NPIPB2: variants seen among roughly 807,000 people sequenced by gnomAD.
NPIPB2 encodes the protein nuclear pore complex-interacting protein family member B2.
In NPIPB2, 27 loss-of-function variants were observed where a neutral mutation model predicts 30.8. That is an observed-to-expected ratio of 0.88 (90% confidence interval 0.65 to 1.21). The LOEUF (loss-of-function observed/expected upper bound fraction) is 1.21. NPIPB2 is among the 50% of genes most tolerant of loss of function. The pLI is 0.00. For missense variants in NPIPB2, 440 were observed against 446.2 expected (o/e 0.99, Z 0.13); for synonymous variants, 147 against 162.0 (o/e 0.91, Z 0.70).
upstream of NPIPB2, among the ~76,000 whole-genome samples, chr16:11,945,683 A>C (rs1013078139): frequency 6.6e-6 from 1 of 151,912 alleles, no homozygotes; most frequent in Admixed American, 6.6e-5. Flanking sequence ...GTCTTAAAAA[A>C]AAAACAAAAA....
intron 1 of NPIPB2, among the ~76,000 whole-genome samples, chr16:11,958,809 G>T (rs768469175): frequency 6.6e-6 from 1 of 152,134 alleles, no homozygotes; most frequent in South Asian, 2.1e-4. Flanking sequence ...TAACAATCAG[G>T]GTTGGTTTGG....
In NPIPB2 at chr16:11,976,602, T is replaced by C. The variant is rs1010630958; in HGVS notation, c.-618A>G. The C allele has an allele frequency of 6.3e-5, 23 of 365,448 alleles. No homozygotes were observed. In the Middle Eastern group the frequency reaches 2.2e-3, roughly 34 times the overall value. The allele number at this position is 365,448 out of a possible 1,614,324, so 22.6% of individuals were successfully genotyped here. A position where few individuals can be genotyped will look rare whatever the true frequency, so the allele number is the denominator to read the frequency against. On this transcript the variant is annotated 5_prime_UTR_variant, in exon 1 of 6. Transcript: ENST00000538896. ...CCAGCCCGCGTAGCCTCAGCACCGC[T>C]CTCCACACCGGGTCCGGCGACTTGG...
chr16:11,967,494 G>A (rs1375488074), intron 1 of NPIPB2: 17 of 1,426,748 alleles, frequency 1.2e-5, no homozygotes, highest in South Asian at 1.2e-4. Context: ...TTTGAGTCCC[G>A]ATGTGTACTG....
chr16:11,934,226 TCACACA>T (rs766087820), intron 2 of NPIPB2, among the ~76,000 whole-genome samples: 12 of 121,824 alleles, frequency 9.9e-5, no homozygotes, highest in African/African-American at 2.4e-4. Context: ...TGAGACTCTG[TCACACA>T]CACACACACA....
chr16:11,934,235 C>CACACACAA (rs2054834434), intron 2 of NPIPB2, among the ~76,000 whole-genome samples: 1 of 144,098 alleles, frequency 6.9e-6, no homozygotes, highest in African/African-American at 2.7e-5. Flanking sequence ...GTCACACACA[C>CACACACAA]ACACACACAC....
At chr16:11,954,491 A>T (rs1006202052) in intron 1 of NPIPB2, among the ~76,000 whole-genome samples, 2 of 151,626 alleles carry the variant, frequency 1.3e-5, no homozygotes, top group African/African-American at 4.8e-5. Flanking sequence ...AAAAAAAAAA[A>T]AGAAAGAAAA....
At chr16:11,943,997 C>CAAAAAAAA (rs398070768), upstream of NPIPB2, among the ~76,000 whole-genome samples, 36,009 of 50,260 alleles carry the variant, frequency 0.72, 15,248 homozygotes, top group Middle Eastern at 0.81. Flanking sequence ...GACTCTGTCT[C>CAAAAAAAA]AAAAAAAAAA....
At chr16:11,936,907 C>G (rs2054875084) in intron 2 of NPIPB2, among the ~76,000 whole-genome samples, 4 of 151,488 alleles carry the variant, frequency 2.6e-5, no homozygotes. Flanking sequence ...GTCACCTCGT[C>G]CCTATGACCT....
intron 2 of NPIPB2, among the ~76,000 whole-genome samples, chr16:11,934,908 A>G (rs2150911684): frequency 6.7e-6 from 1 of 148,464 alleles, no homozygotes; most frequent in Middle Eastern, 3.4e-3. Flanking sequence ...ACTGAACTGT[A>G]CACTTCAACA....
chr16:11,946,940 G>A (rs1375883854), upstream of NPIPB2, among the ~76,000 whole-genome samples: 6 of 150,954 alleles, frequency 4.0e-5, no homozygotes, highest in Non-Finnish European at 7.4e-5. Flanking sequence ...GGCTGATCTC[G>A]AACTCCTGAC....
exon 8 of NPIPB2, chr16:11,927,430 G>C (rs1346955289): frequency 2.6e-6 from 3 of 1,173,170 alleles, no homozygotes; most frequent in African/African-American, 3.1e-5. Context: ...TCTTGGGCTC[G>C]GGTGATGATG....
chr16:11,941,504 C>G lies in NPIPB2; in HGVS notation c.63+479G>C, dbSNP rs954374481. Among the ~76,000 whole-genome samples, 23 of 151,132 alleles carry G rather than the reference C, an allele frequency of 1.5e-4. No homozygotes were observed. The South Asian group carries it at 3.6e-3, about 23-fold the overall frequency. On this transcript the variant is annotated intron_variant, in intron 1 of 7. Coordinates refer to ENST00000399147, the Ensembl canonical transcript of NPIPB2. ...AAGGATCCGGTTCAAATTAAGTTCT[C>G]AAGCGCTGGTGGAAGGTTTAGCTAC...
chr16:11,955,597 T>C (rs2150931592), intron 1 of NPIPB2, among the ~76,000 whole-genome samples: 1 of 151,666 alleles, frequency 6.6e-6, no homozygotes, highest in African/African-American at 2.4e-5. Flanking sequence ...CGCCCCTTTA[T>C]TCCCAGCTAG....
chr16:11,967,976 C>G (rs747558553), intron 1 of NPIPB2: 18 of 1,025,662 alleles, frequency 1.8e-5, no homozygotes, highest in Admixed American at 8.4e-5. Flanking sequence ...ACTGTGGAAA[C>G]TCTTTATGTT....
chr16:11,964,532 A>G (rs2055178476), intron 1 of NPIPB2, among the ~76,000 whole-genome samples: 1 of 151,752 alleles, frequency 6.6e-6, no homozygotes, highest in South Asian at 2.1e-4. Context: ...TCCCTGCCTC[A>G]GCCTCCTGAG....
chr16:11,940,909 GCGA>G (rs1261495407), intron 1 of NPIPB2, among the ~76,000 whole-genome samples: 2 of 149,812 alleles, frequency 1.3e-5, no homozygotes, highest in African/African-American at 2.5e-5. Flanking sequence ...CTGGGCCCAA[GCGA>G]TCCTCCCACC....
At chr16:11,966,349 T>C (rs750684443) in intron 1 of NPIPB2, 5 of 1,605,268 alleles carry the variant, frequency 3.1e-6, no homozygotes, top group South Asian at 2.2e-5. Context: ...CAGGTTGGTT[T>C]GATGGTGAAT....
chr16:11,960,847 T>C (rs997054161), intron 1 of NPIPB2, among the ~76,000 whole-genome samples: 8 of 151,782 alleles, frequency 5.3e-5, no homozygotes, highest in East Asian at 1.9e-4. Flanking sequence ...TTGACTGTTA[T>C]GGGAGATTTT....
intron 2 of NPIPB2, 89 bp downstream of exon 2, chr16:11,937,451 T>C: frequency 1.3e-6 from 1 of 787,884 alleles, no homozygotes; most frequent in South Asian, 1.9e-5. Flanking sequence ...CACATATTCA[T>C]AATGAAGTCC....
Sources: allele counts gnomAD v4.1 joint callset (sites outside exome capture counted in the v4.1 genomes callset), GRCh38; gene constraint gnomAD v4.1.1; transcripts MANE v1.5; gene names NCBI Gene and HGNC (gene_info 2026-07-23, HGNC 2026-07-21).